The following ANO2 variants were observed in gnomAD, a reference collection of about 807,000 sequenced individuals.
ANO2 encodes the protein anoctamin 2.
Under a neutral mutation model 124.2 loss-of-function variants are expected in ANO2, and 101 were observed. The ratio of observed to expected loss-of-function variants is 0.81; its 90% CI spans 0.69 to 0.96. ANO2 has a LOEUF of 0.96. Ranked by LOEUF, ANO2 falls within the 40% of genes least tolerant of loss-of-function variation. The pLI is 0.00. For missense variants in ANO2, 1,293 were observed against 1,274.5 expected (o/e 1.01, Z -0.22); for synonymous variants, 486 against 482.5 (o/e 1.01, Z -0.09).
At chr12:5,690,920 A>G (rs1436804105) in intron 14 of ANO2, among the ~76,000 whole-genome samples, 1 of 152,232 alleles carries the variant, frequency 6.6e-6, no homozygotes, top group Non-Finnish European at 1.5e-5. Flanking sequence ...TTTATTGAAC[A>G]CCTACTAAGT....
intron 7 of ANO2, among the ~76,000 whole-genome samples, chr12:5,810,696 G>A (rs2137180054): frequency 6.6e-6 from 1 of 152,266 alleles, no homozygotes; most frequent in Middle Eastern, 3.4e-3. Flanking sequence ...CCCCTGAGGA[G>A]CCCCTTACTG....
intron 23 of ANO2, among the ~76,000 whole-genome samples, chr12:5,571,217 G>A (rs1044046844): frequency 2.6e-5 from 4 of 152,214 alleles, no homozygotes; most frequent in African/African-American, 7.2e-5. Context: ...CCTTCCAGCT[G>A]AGCTGGGAAG....
chr12:5,746,922 T>TTGGTGAG (rs1396942032), intron 11 of ANO2, among the ~76,000 whole-genome samples: 1 of 152,244 alleles, frequency 6.6e-6, no homozygotes, highest in African/African-American at 2.4e-5. Context: ...AATCAATCCC[T>TTGGTGAG]TGGTGAGTAG....
intron 20 of ANO2, among the ~76,000 whole-genome samples, chr12:5,588,577 C>T (rs569152716): frequency 6.6e-6 from 1 of 152,310 alleles, no homozygotes; most frequent in South Asian, 2.1e-4. Flanking sequence ...CCCTGAAGGT[C>T]AGCTGGTCTC....
intron 14 of ANO2, among the ~76,000 whole-genome samples, chr12:5,731,886 C>T (rs1950653339): frequency 6.6e-6 from 1 of 152,034 alleles, no homozygotes; most frequent in Admixed American, 6.6e-5. Context: ...CATGTATTTG[C>T]CACTGCAGGC....
chr12:5,899,099 G>A (rs1469706554), intron 3 of ANO2, among the ~76,000 whole-genome samples: 5 of 152,126 alleles, frequency 3.3e-5, no homozygotes, highest in South Asian at 4.1e-4. Context: ...CCAGGACTCC[G>A]GAGTCCGCCA....
At chr12:5,657,086 G>A (rs1035720411) in intron 14 of ANO2, among the ~76,000 whole-genome samples, 1 of 152,178 alleles carries the variant, frequency 6.6e-6, no homozygotes, top group African/African-American at 2.4e-5. Flanking sequence ...TCACTTGGGG[G>A]AGCCTGTTTC....
chr12:5,610,799 C>T (rs1215113480), intron 19 of ANO2, among the ~76,000 whole-genome samples: 1 of 132,754 alleles, frequency 7.5e-6, no homozygotes, highest in African/African-American at 2.8e-5. Flanking sequence ...CCAGCTGGCC[C>T]AGCCCATCAG....
chr12:5,739,755 C>T (rs934877828), intron 12 of ANO2, among the ~76,000 whole-genome samples: 50 of 152,162 alleles, frequency 3.3e-4, no homozygotes, highest in Non-Finnish European at 2.9e-5. Context: ...CAAGCCTCAT[C>T]TTGCCTACGC....
chr12:5,732,637 C>T lies in ANO2; in HGVS notation c.1435-7G>A. 6.2e-7 allele frequency: 1 copy of T among 1,610,884 alleles called. No homozygotes were observed. The highest frequency in any genetic ancestry group is 1.7e-5 in the Admixed American group (1 of 59,816). ...ACTCAGGCCTGGAATGTTCCTAAAC[C>T]AAAGAGCAGTGAGTGGTTAGTAAAC... is the stretch of plus-strand genomic sequence containing the variant. On this transcript the variant is annotated splice_polypyrimidine_tract_variant and splice_region_variant and intron_variant, in intron 13 of 24. Transcript: ENST00000682330.
chr12:5,821,026 C>T (rs1373221553), intron 7 of ANO2, among the ~76,000 whole-genome samples: 2 of 152,222 alleles, frequency 1.3e-5, no homozygotes, highest in Non-Finnish European at 2.9e-5. Context: ...AACTCTCCAG[C>T]TTTGTGTCAT....
At chr12:5,692,925 G>A (rs1335523510) in intron 14 of ANO2, among the ~76,000 whole-genome samples, 2 of 152,156 alleles carry the variant, frequency 1.3e-5, no homozygotes, top group Non-Finnish European at 1.5e-5. Context: ...AACAATAATG[G>A]GAGACGTTAA....
chr12:5,886,530 A>G (rs1414271107), intron 3 of ANO2, among the ~76,000 whole-genome samples: 1 of 152,216 alleles, frequency 6.6e-6, no homozygotes, highest in African/African-American at 2.4e-5. Flanking sequence ...AGTATCATGC[A>G]CTTCAAAATG....
chr12:5,783,567 G>A (rs948933324), intron 10 of ANO2, among the ~76,000 whole-genome samples: 1 of 152,220 alleles, frequency 6.6e-6, no homozygotes, highest in African/African-American at 2.4e-5. Context: ...TGAGCACTTT[G>A]TATAAACATT....
chr12:5,635,059 C>T lies in ANO2; in HGVS notation c.1816+93G>A. ...AATGCACTGTACAAAGCATCCTGTCCCTGTCCCATTTTTTTTATTTTATCA... is the reference window on the plus strand; with the variant it reads ...AATGCACTGTACAAAGCATCCTGTCTCTGTCCCATTTTTTTTATTTTATCA... On this transcript the variant is annotated intron_variant, in intron 16 of 24. Coordinates refer to ENST00000682330, the MANE Select transcript of ANO2 (RefSeq NM_001364791.2). The surrounding 1 kb of genome is among the most constrained non-coding windows in gnomAD (Gnocchi z 5.2). 4 of 1,159,200 alleles carry T rather than the reference C, an allele frequency of 3.5e-6. No homozygotes were observed. Among genetic ancestry groups the T allele is most frequent in the Non-Finnish European group, 4.7e-6 (4 of 848,936 alleles). 71.8% of individuals were successfully genotyped at this position (1,159,200 alleles called of 1,614,324 possible). A position where few individuals can be genotyped will look rare whatever the true frequency, so the allele number is the denominator to read the frequency against.
At chr12:5,682,392 G>C (rs1219794147) in intron 14 of ANO2, among the ~76,000 whole-genome samples, 1 of 150,930 alleles carries the variant, frequency 6.6e-6, no homozygotes. Context: ...CTCCACCCCA[G>C]CTCTCTCAGG....
At chr12:5,892,854 C>T (rs1939503935) in intron 3 of ANO2, among the ~76,000 whole-genome samples, 1 of 152,186 alleles carries the variant, frequency 6.6e-6, no homozygotes, top group South Asian at 2.1e-4. Flanking sequence ...AAAATGTTAA[C>T]TGTCTGTGCA....
intron 11 of ANO2, among the ~76,000 whole-genome samples, chr12:5,746,696 A>G (rs568579132): frequency 1.3e-5 from 2 of 152,336 alleles, no homozygotes; most frequent in East Asian, 1.9e-4. Flanking sequence ...AATGTTCTTC[A>G]GGGTAAATCA....
intron 20 of ANO2, among the ~76,000 whole-genome samples, chr12:5,597,733 C>T (rs1398982683): frequency 6.6e-6 from 1 of 152,164 alleles, no homozygotes; most frequent in Non-Finnish European, 1.5e-5. Context: ...AATGTAGGCC[C>T]TTCCCCAAAT....
Sources: gnomAD v4.1 joint callset for allele counts (sites outside exome capture counted in the v4.1 genomes callset) on GRCh38, gnomAD v4.1.1 for gene constraint, Gnocchi (gnomAD v3.1) non-coding constraint, MANE v1.5 for transcripts, NCBI Gene and HGNC (gene_info 2026-07-23, HGNC 2026-07-21) for gene names.